CSMD1: variants seen among roughly 807,000 people sequenced by gnomAD.
The protein encoded by CSMD1 is CUB and sushi domain-containing protein 1.
A neutral mutation model predicts 417.5 loss-of-function variants in CSMD1; 213 were observed. The observed-to-expected ratio is 0.51, with a 90% CI of 0.46 to 0.57. The LOEUF is 0.57. Ranked by LOEUF, CSMD1 falls within the 20% of genes least tolerant of loss-of-function variation. CSMD1 has a pLI of 0.00. For missense variants in CSMD1, 6,923 were observed against 4,529.7 expected (o/e 1.53, Z -15.17); for synonymous variants, 2,862 against 1,736.8 (o/e 1.65, Z -16.11).
At chr8:3,101,139 C>G (rs549854626) in intron 46 of CSMD1, among the ~76,000 whole-genome samples, 1 of 150,596 alleles carries the variant, frequency 6.6e-6, no homozygotes, top group African/African-American at 2.4e-5. Context: ...AGAAACCTGA[C>G]GTTGAAGACC....
At chr8:4,217,053 C>G (rs1298331576) in intron 3 of CSMD1, among the ~76,000 whole-genome samples, 1 of 152,140 alleles carries the variant, frequency 6.6e-6, no homozygotes, top group Non-Finnish European at 1.5e-5. Flanking sequence ...TGCATTAAAT[C>G]AGGTAGTGTC....
At chr8:3,238,827 A>T (rs963389758) in intron 26 of CSMD1, among the ~76,000 whole-genome samples, 1 of 152,196 alleles carries the variant, frequency 6.6e-6, no homozygotes, top group Non-Finnish European at 1.5e-5. Flanking sequence ...TAAGAGTGGC[A>T]GGTTGGGGAT....
intron 21 of CSMD1, among the ~76,000 whole-genome samples, chr8:3,349,457 A>C (rs770922029): frequency 5.3e-5 from 8 of 152,018 alleles, no homozygotes; most frequent in Admixed American, 2.6e-4. Flanking sequence ...GTCAGAGAGG[A>C]GAACGCTTGA....
At chr8:3,974,666 G>A (rs556642737) in intron 5 of CSMD1, among the ~76,000 whole-genome samples, 4 of 135,186 alleles carry the variant, frequency 3.0e-5, no homozygotes, top group East Asian at 2.3e-4. Context: ...TAAAAACAGC[G>A]TGCAGCTCTT....
intron 5 of CSMD1, among the ~76,000 whole-genome samples, chr8:3,798,981 TAATA>T (rs759451474): frequency 9.2e-5 from 14 of 152,056 alleles, no homozygotes; most frequent in African/African-American, 3.4e-4. Flanking sequence ...TATGGGTGAA[TAATA>T]AATATGCCAT....
At chr8:4,872,311 A>G (rs1396465366) in intron 1 of CSMD1, among the ~76,000 whole-genome samples, 1 of 152,030 alleles carries the variant, frequency 6.6e-6, no homozygotes, top group African/African-American at 2.4e-5. Context: ...CCCAAATCTC[A>G]TCTTGAATTA....
At chr8:3,947,310 T>G (rs1811296683) in intron 5 of CSMD1, among the ~76,000 whole-genome samples, 1 of 152,184 alleles carries the variant, frequency 6.6e-6, no homozygotes, top group Admixed American at 6.5e-5. Flanking sequence ...TAATTTCCAG[T>G]CTGTTAAGAT....
intron 2 of CSMD1, among the ~76,000 whole-genome samples, chr8:4,471,704 A>G (rs147101496): frequency 6.6e-6 from 1 of 151,676 alleles, no homozygotes; most frequent in East Asian, 1.9e-4. Context: ...AACACGACCC[A>G]TCTTCAAAGA....
chr8:4,733,093 T>A (rs1205202076), intron 1 of CSMD1, among the ~76,000 whole-genome samples: 1 of 152,172 alleles, frequency 6.6e-6, no homozygotes, highest in Non-Finnish European at 1.5e-5. Flanking sequence ...AATGCTGATA[T>A]TAAAGCAAAT....
At chr8:3,668,150 A>T (rs1798800725) in intron 7 of CSMD1, among the ~76,000 whole-genome samples, 3 of 152,144 alleles carry the variant, frequency 2.0e-5, no homozygotes, top group African/African-American at 7.2e-5. Context: ...TAACGAATCT[A>T]CAGGGGTGTG....
intron 1 of CSMD1, among the ~76,000 whole-genome samples, chr8:4,671,327 T>C (rs1302350107): frequency 6.6e-6 from 1 of 152,172 alleles, no homozygotes; most frequent in Non-Finnish European, 1.5e-5. Context: ...TATTCTTGTT[T>C]TTTAAACCTA....
chr8:4,937,575 G>A (rs573420547), intron 1 of CSMD1, among the ~76,000 whole-genome samples: 8 of 152,286 alleles, frequency 5.3e-5, no homozygotes, highest in African/African-American at 1.9e-4. Flanking sequence ...GCATGACAAA[G>A]AACAAAGATA....
At chr8:3,363,437 G>C (rs1322517889) in intron 20 of CSMD1, among the ~76,000 whole-genome samples, 1 of 152,202 alleles carries the variant, frequency 6.6e-6, no homozygotes, top group African/African-American at 2.4e-5. Context: ...CTAGGGAAAA[G>C]AAGAAAGGCT....
intron 2 of CSMD1, among the ~76,000 whole-genome samples, chr8:4,586,543 G>C (rs1484610618): frequency 6.6e-6 from 1 of 151,976 alleles, no homozygotes; most frequent in Non-Finnish European, 1.5e-5. Context: ...AAAAATCAAT[G>C]TTTTTATGGA....
At chr8:3,994,616 G>C (rs964645577) in intron 5 of CSMD1, among the ~76,000 whole-genome samples, 1 of 151,566 alleles carries the variant, frequency 6.6e-6, no homozygotes, top group Non-Finnish European at 1.5e-5. Context: ...ATTAGAATCC[G>C]ACTAGTTAAA....
chr8:3,808,605 A>C (rs1263360421), intron 5 of CSMD1, among the ~76,000 whole-genome samples: 3 of 152,186 alleles, frequency 2.0e-5, no homozygotes, highest in South Asian at 2.1e-4. Context: ...CACTGCTGTC[A>C]CTATTATCAA....
Position 4,707,049 on chromosome 8 carries a change from G to A in CSMD1, c.86-69491C>T, listed in dbSNP as rs1411550485. 8.5e-5 allele frequency among the ~76,000 whole-genome samples: 13 copies of A among 152,286 alleles called. No homozygotes were observed. The East Asian group carries it at 2.1e-3, about 25-fold the overall frequency. On this transcript the variant is annotated intron_variant, in intron 1 of 69. Transcript: ENST00000635120. ...TGACAGATCTAACTTAAGGACTTAA[G>A]GTGATCAGATCTGAGATTAGGAAAG...
intron 10 of CSMD1, among the ~76,000 whole-genome samples, chr8:3,498,479 A>T (rs1053664945): frequency 1.3e-5 from 2 of 152,134 alleles, no homozygotes; most frequent in Non-Finnish European, 2.9e-5. Flanking sequence ...CTCTTTGGAG[A>T]GCATCTTTGG....
intron 2 of CSMD1, among the ~76,000 whole-genome samples, chr8:4,479,305 G>C (rs1318094450): frequency 6.6e-6 from 1 of 151,932 alleles, no homozygotes. Context: ...TGTTTTTCTT[G>C]GTAAGTATGA....
Sources: gnomAD v4.1 joint callset for allele counts (sites outside exome capture counted in the v4.1 genomes callset) on GRCh38, gnomAD v4.1.1 for gene constraint, MANE v1.5 for transcripts, NCBI Gene and HGNC (gene_info 2026-07-23, HGNC 2026-07-21) for gene names.